RP9: variants seen among roughly 807,000 people sequenced by gnomAD.
RP9 encodes retinitis pigmentosa 9 protein.
Under a neutral mutation model 32.6 loss-of-function variants are expected in RP9, and 23 were observed. The observed-to-expected ratio is 0.71, with a 90% CI of 0.51 to 1.00. The LOEUF is 1.00. Ranked by LOEUF, RP9 falls within the 50% of genes least tolerant of loss-of-function variation. The probability of loss-of-function intolerance (pLI) is 0.00; values close to 1 mark genes in which losing one functional copy is unlikely to be tolerated. For synonymous variants in RP9, 94 were observed against 103.6 expected, an observed-to-expected ratio of 0.91 and a Z score of 0.56; for missense variants, 245 against 285.3, an observed-to-expected ratio of 0.86 and a Z score of 1.02.
intron 2 of RP9, 31 bp from the exon 3 acceptor site, chr7:33,099,467 G>T: frequency 6.2e-7 from 1 of 1,613,398 alleles, no homozygotes; most frequent in Non-Finnish European, 8.5e-7. Flanking sequence ...AAACAGCATG[G>T]CAAGAGCGCT....
intron 5 of RP9, 56 bp from the exon 6 acceptor site, chr7:33,095,488 T>A: frequency 6.2e-7 from 1 of 1,607,056 alleles, no homozygotes; most frequent in Non-Finnish European, 8.5e-7. Flanking sequence ...CTTACAACAG[T>A]TGCTTAGATA....
At chr7:33,096,282 C>T (rs928476999) in intron 5 of RP9, among the ~76,000 whole-genome samples, 2 of 152,196 alleles carry the variant, frequency 1.3e-5, no homozygotes, top group South Asian at 2.1e-4. Context: ...CTGGACCAAG[C>T]CCATGGCTTT....
chr7:33,103,649 A>T (rs900330995), intron 1 of RP9, among the ~76,000 whole-genome samples: 1 of 147,938 alleles, frequency 6.8e-6, no homozygotes, highest in African/African-American at 2.5e-5. Flanking sequence ...TTCCATCTCT[A>T]AAAAAAAAAG....
Position 33,094,799 on chromosome 7 carries a change from T to TA in RP9, c.*434dup, listed in dbSNP as rs943314750. 2 of 178,492 alleles carry TA rather than the reference T, an allele frequency of 1.1e-5. No individual in the cohort carries two copies. The highest frequency in any genetic ancestry group is 4.7e-5 in the African/African-American group (2 of 42,148). 11.1% of individuals were successfully genotyped at this position (178,492 alleles called of 1,614,324 possible). A position where few individuals can be genotyped will look rare whatever the true frequency, so the allele number is the denominator to read the frequency against. On this transcript the variant is annotated 3_prime_UTR_variant, in exon 6 of 6. Transcript: ENST00000297157. ...TATTCATAAATAAATACATTCCATT[T>TA]AAAAAATAAATAATGAGCTTTTATT...
intron 1 of RP9, among the ~76,000 whole-genome samples, chr7:33,107,278 GT>G (rs1362837162): frequency 6.6e-6 from 1 of 152,138 alleles, no homozygotes; most frequent in Non-Finnish European, 1.5e-5. Context: ...AGATTTGCTG[GT>G]TAACTAACTG....
intron 1 of RP9, among the ~76,000 whole-genome samples, chr7:33,101,261 T>C (rs1413092737): frequency 6.6e-6 from 1 of 152,052 alleles, no homozygotes; most frequent in Non-Finnish European, 1.5e-5. Context: ...TAGAAGACAA[T>C]GAATATTGGA....
Position 33,097,370 on chromosome 7 carries a change from CG to C in RP9, c.314-9del. On this transcript the variant is annotated splice_polypyrimidine_tract_variant and intron_variant, in intron 3 of 5. Transcript: ENST00000297157. The stretch of plus-strand genomic sequence containing the variant: ...AGCGTTTGCAACGCCAACCTAAAAA[CG>C]AAAAGAGAAATATTTCTGTAAGATA... The C allele has an allele frequency of 1.9e-6, 3 of 1,594,258 alleles. No homozygotes were observed. The highest frequency in any genetic ancestry group is 1.1e-5 in the South Asian group (1 of 90,446).
intron 1 of RP9, among the ~76,000 whole-genome samples, chr7:33,101,642 G>T (rs183944088): frequency 2.4e-4 from 36 of 152,176 alleles, no homozygotes; most frequent in Non-Finnish European, 8.8e-5. Flanking sequence ...TCTATAAGAT[G>T]TGGGAGAAAG....
chr7:33,096,007 A>AT (rs1788328072), intron 5 of RP9, among the ~76,000 whole-genome samples: 1 of 151,800 alleles, frequency 6.6e-6, no homozygotes, highest in Non-Finnish European at 1.5e-5. Context: ...TACTTTTTAT[A>AT]TTTTTTTGTA....
chr7:33,103,200 G>C (rs1788453098), intron 1 of RP9, among the ~76,000 whole-genome samples: 1 of 152,194 alleles, frequency 6.6e-6, no homozygotes, highest in South Asian at 2.1e-4. Context: ...CAGAAGATGA[G>C]GCTTCCTTCC....
At chr7:33,099,515 T>C in intron 2 of RP9, 79 bp from the exon 3 acceptor site, 1 of 1,573,118 alleles carries the variant, frequency 6.4e-7, no homozygotes, top group East Asian at 2.2e-5. Context: ...CACCCTTGCC[T>C]GGCTTTTTCC....
At chr7:33,106,841 G>A (rs925416166) in intron 1 of RP9, among the ~76,000 whole-genome samples, 2 of 152,028 alleles carry the variant, frequency 1.3e-5, no homozygotes, top group Non-Finnish European at 1.5e-5. Flanking sequence ...GTACTTGGGA[G>A]GCAGAGACAG....
At chr7:33,101,470 C>T (rs1315936456) in intron 1 of RP9, among the ~76,000 whole-genome samples, 4 of 151,884 alleles carry the variant, frequency 2.6e-5, no homozygotes, top group South Asian at 2.1e-4. Flanking sequence ...GGCGTGGTGG[C>T]GGGTGCCTGT....
chr7:33,101,462 C>T (rs1201884145), intron 1 of RP9, among the ~76,000 whole-genome samples: 2 of 151,972 alleles, frequency 1.3e-5, no homozygotes, highest in African/African-American at 2.4e-5. Context: ...ATTAGCTGGG[C>T]GTGGTGGCGG....
rs1788354423 is a variant in RP9, at chr7:33,097,368, A to G, written c.314-6T>C. The G allele has an allele frequency of 6.2e-7, 1 of 1,600,484 alleles. No individual in the cohort carries two copies. Among genetic ancestry groups the G allele is most frequent in the Non-Finnish European group, 8.6e-7 (1 of 1,167,772 alleles). ...ATAGCGTTTGCAACGCCAACCTAAA[A>G]ACGAAAAGAGAAATATTTCTGTAAG... On this transcript the variant is annotated splice_polypyrimidine_tract_variant and splice_region_variant and intron_variant, in intron 3 of 5. Coordinates refer to ENST00000297157, the MANE Select transcript of RP9 (RefSeq NM_203288.2).
intron 2 of RP9, 159 bp downstream of exon 2, chr7:33,100,372 T>G (rs1788407183): frequency 1.4e-6 from 1 of 718,106 alleles, no homozygotes; most frequent in Non-Finnish European, 2.5e-6. Context: ...CAGAGGCTTG[T>G]GACAAAACTA....
intron 1 of RP9, among the ~76,000 whole-genome samples, chr7:33,108,762 G>T (rs1462534608): frequency 6.6e-6 from 1 of 152,112 alleles, no homozygotes; most frequent in Non-Finnish European, 1.5e-5. Context: ...TCCCACTTTT[G>T]TGGCCCTCTA....
At position 33,099,411 on chromosome 7, in the gene RP9, C is replaced by T; in HGVS notation, c.209G>A (p.Cys70Tyr). ...TTCATTGCCTGGTACATCTGGTATGCAATCTTCTGGCTTAGTCTCATCTTC... is the reference window on the plus strand; with the variant it reads ...TTCATTGCCTGGTACATCTGGTATGTAATCTTCTGGCTTAGTCTCATCTTC... ...IKEDETKPEDCIPDVPGNEHA... is the reference protein window; with the variant it reads ...IKEDETKPEDYIPDVPGNEHA... Residue 70 changes from cysteine to tyrosine, a missense_variant, in exon 3 of 6, where the codon TGC becomes TAC. Physicochemically the swap from Cys to Tyr is radical, Grantham distance 194 (BLOSUM62 -2). Coordinates refer to ENST00000297157, the MANE Select transcript of RP9 (RefSeq NM_203288.2). 2 of 1,613,404 alleles carry T rather than the reference C, an allele frequency of 1.2e-6. No individual in the cohort carries two copies. The highest frequency in any genetic ancestry group is 1.7e-6 in the Non-Finnish European group (2 of 1,179,912).
intron 1 of RP9, among the ~76,000 whole-genome samples, chr7:33,105,888 T>A (rs1788492081): frequency 6.6e-6 from 1 of 152,232 alleles, no homozygotes; most frequent in Non-Finnish European, 1.5e-5. Context: ...AAACTTTGAT[T>A]AAATACATTT....
Sources: gnomAD v4.1 joint callset for allele counts (sites outside exome capture counted in the v4.1 genomes callset) on GRCh38, gnomAD v4.1.1 for gene constraint, MANE v1.5 for transcripts, NCBI Gene and HGNC (gene_info 2026-07-23, HGNC 2026-07-21) for gene names.